The following SORCS1 variants were observed in gnomAD, a reference collection of about 807,000 sequenced individuals.
The protein encoded by SORCS1 is VPS10 domain-containing receptor SorCS1.
In SORCS1, 60 loss-of-function variants were observed where a neutral mutation model predicts 146.1. The ratio of observed to expected loss-of-function variants is 0.41; its 90% confidence interval spans 0.33 to 0.51. SORCS1 has a LOEUF of 0.51. SORCS1 is among the 20% of genes least tolerant of loss of function. The pLI is 0.21. For missense variants in SORCS1, 1,352 were observed against 1,487.6 expected, an observed-to-expected ratio of 0.91 and a Z score of 1.50; for synonymous variants, 637 against 584.0, an observed-to-expected ratio of 1.09 and a Z score of -1.31.
intron 23 of SORCS1, among the ~76,000 whole-genome samples, chr10:106,604,376 C>G (rs1411755662): frequency 1.3e-5 from 2 of 152,150 alleles, no homozygotes; most frequent in Non-Finnish European, 2.9e-5. Context: ...TCCCCTGTCT[C>G]ACAGGGTCTA....
At chr10:107,145,566 T>C (rs1196547970) in intron 1 of SORCS1, among the ~76,000 whole-genome samples, 1 of 152,192 alleles carries the variant, frequency 6.6e-6, no homozygotes, top group Non-Finnish European at 1.5e-5. Flanking sequence ...TATAAACTCA[T>C]GATTTTGAAA....
At chr10:107,086,263 T>A (rs934788666) in intron 1 of SORCS1, among the ~76,000 whole-genome samples, 14 of 152,142 alleles carry the variant, frequency 9.2e-5, no homozygotes, top group Non-Finnish European at 1.5e-4. Flanking sequence ...AGATGCAAAA[T>A]TAATCCACTT....
At chr10:107,014,653 C>T (rs894807798) in intron 1 of SORCS1, among the ~76,000 whole-genome samples, 5 of 152,102 alleles carry the variant, frequency 3.3e-5, no homozygotes, top group Admixed American at 3.3e-4. Flanking sequence ...TTGTCTGGTC[C>T]AATACCAAAA....
intron 1 of SORCS1, among the ~76,000 whole-genome samples, chr10:107,078,189 TA>T (rs1377704468): frequency 6.6e-6 from 1 of 152,146 alleles, no homozygotes; most frequent in Non-Finnish European, 1.5e-5. Context: ...AATTCACCAA[TA>T]AAAATATTTT....
intron 2 of SORCS1, among the ~76,000 whole-genome samples, chr10:106,905,309 G>C (rs1951866001): frequency 6.6e-6 from 1 of 151,940 alleles, no homozygotes; most frequent in East Asian, 1.9e-4. Context: ...AAAGATAAAT[G>C]CACAATCTTT....
intron 2 of SORCS1, among the ~76,000 whole-genome samples, chr10:106,837,631 ATC>A (rs1268633352): frequency 6.7e-6 from 1 of 149,850 alleles, no homozygotes; most frequent in Non-Finnish European, 1.5e-5. Flanking sequence ...CAACAAATAA[ATC>A]TCTCAGTACT....
intron 1 of SORCS1, among the ~76,000 whole-genome samples, chr10:107,078,613 T>C (rs1219266748): frequency 6.6e-6 from 1 of 152,176 alleles, no homozygotes; most frequent in Non-Finnish European, 1.5e-5. Flanking sequence ...CAGATCTTCT[T>C]TTCATTTTTC....
chr10:106,842,869 T>G (rs2137157362), intron 2 of SORCS1, among the ~76,000 whole-genome samples: 2 of 152,260 alleles, frequency 1.3e-5, no homozygotes, highest in South Asian at 4.1e-4. Flanking sequence ...CACCTCAGCC[T>G]CCCAAAGTGC....
intron 2 of SORCS1, among the ~76,000 whole-genome samples, chr10:106,841,677 A>T (rs937927616): frequency 1.3e-5 from 2 of 152,212 alleles, no homozygotes; most frequent in African/African-American, 2.4e-5. Flanking sequence ...AGTTGAAATC[A>T]TACAGCATCT....
intron 9 of SORCS1, 151 bp downstream of exon 9, chr10:106,699,063 A>G: frequency 1.6e-6 from 1 of 639,494 alleles, no homozygotes; most frequent in Admixed American, 3.7e-5. Context: ...ATTAACTAAT[A>G]AAAATGTTCT....
chr10:106,695,911 T>C (rs1006540948), intron 9 of SORCS1, among the ~76,000 whole-genome samples: 2 of 152,196 alleles, frequency 1.3e-5, no homozygotes, highest in African/African-American at 2.4e-5. Context: ...CACATAGTTC[T>C]AGGGTAGAGA....
chr10:106,902,918 A>T (rs1026482559), intron 2 of SORCS1, among the ~76,000 whole-genome samples: 2 of 152,172 alleles, frequency 1.3e-5, no homozygotes, highest in Non-Finnish European at 2.9e-5. Context: ...CTCTACTAAA[A>T]ATACAAAAAA....
chr10:107,148,852 CATTT>C (rs1968543942), intron 1 of SORCS1, among the ~76,000 whole-genome samples: 1 of 152,274 alleles, frequency 6.6e-6, no homozygotes, highest in South Asian at 2.1e-4. Flanking sequence ...TGGGGATAGT[CATTT>C]ATTTGTCTCA....
At chr10:106,852,055 C>T (rs566185699) in intron 2 of SORCS1, among the ~76,000 whole-genome samples, 3 of 152,210 alleles carry the variant, frequency 2.0e-5, no homozygotes, top group South Asian at 4.1e-4. Context: ...AATCTTGCTA[C>T]AATTACTTAT....
At chr10:107,007,571 G>C (rs1388897636) in intron 1 of SORCS1, among the ~76,000 whole-genome samples, 1 of 152,202 alleles carries the variant, frequency 6.6e-6, no homozygotes, top group East Asian at 1.9e-4. Flanking sequence ...ACTGCCACTG[G>C]CAAGTCCTGC....
At chr10:106,903,382 A>C (rs1951793498) in intron 2 of SORCS1, among the ~76,000 whole-genome samples, 3 of 152,318 alleles carry the variant, frequency 2.0e-5, no homozygotes, top group Non-Finnish European at 2.9e-5. Flanking sequence ...TGACTGAGAA[A>C]AAAGAGGTTT....
At chr10:107,095,423 A>G (rs1442394740) in intron 1 of SORCS1, among the ~76,000 whole-genome samples, 5 of 152,164 alleles carry the variant, frequency 3.3e-5, no homozygotes, top group Non-Finnish European at 7.4e-5. Flanking sequence ...TAGCCATGAA[A>G]CTCATAGTCT....
At chr10:106,948,104 C>T (rs1299919683) in intron 2 of SORCS1, among the ~76,000 whole-genome samples, 2 of 151,774 alleles carry the variant, frequency 1.3e-5, no homozygotes, top group African/African-American at 4.8e-5. Flanking sequence ...TGTCATAATC[C>T]AGTGAATAGT....
chr10:106,925,260 C>A (rs1045451109), intron 2 of SORCS1, among the ~76,000 whole-genome samples: 2 of 152,122 alleles, frequency 1.3e-5, no homozygotes, highest in East Asian at 1.9e-4. Flanking sequence ...GAGGCCAGAG[C>A]AGCCTCAGAT....
Sources: allele counts gnomAD v4.1 joint callset (sites outside exome capture counted in the v4.1 genomes callset), GRCh38; gene constraint gnomAD v4.1.1; transcripts MANE v1.5; gene names NCBI Gene and HGNC (gene_info 2026-07-23, HGNC 2026-07-21).